The following WNK1 variants were observed in gnomAD, a reference collection of about 807,000 sequenced individuals.
WNK1 encodes the protein WNK lysine deficient protein kinase 1.
WNK1 carries 38 observed loss-of-function variants against 222.8 expected under a neutral mutation model. The ratio of observed to expected loss-of-function variants is 0.17; its 90% CI spans 0.13 to 0.22. The LOEUF (loss-of-function observed/expected upper bound fraction) is 0.22. WNK1 is among the 10% of genes least tolerant of loss of function. The probability of loss-of-function intolerance (pLI) is 1.00; values close to 1 mark genes in which losing one functional copy is unlikely to be tolerated. For synonymous variants in WNK1, 1,090 were observed against 1,092.9 expected, an observed-to-expected ratio of 1.00 and a Z score of 0.05; for missense variants, 2,348 against 2,918.4, an observed-to-expected ratio of 0.80 and a Z score of 4.50.
intron 1 of WNK1, among the ~76,000 whole-genome samples, chr12:791,798 AT>A (rs1944870298): frequency 6.6e-6 from 1 of 152,220 alleles, no homozygotes; most frequent in African/African-American, 2.4e-5. Context: ...CTAATCTTAA[AT>A]TGGGGGATGA....
chr12:897,354 A>C, intron 24 of WNK1, 125 bp from the exon 25 acceptor site: 1 of 738,134 alleles, frequency 1.4e-6, no homozygotes, highest in Non-Finnish European at 2.4e-6. Context: ...GTGGTAGTAC[A>C]TTTGGGGAAA....
rs546930301 is a variant in WNK1, at chr12:810,147, G to C, written c.760-3495G>C. Among the ~76,000 whole-genome samples, 16 of 152,174 alleles carry C rather than the reference G, an allele frequency of 1.1e-4. 2 individuals are homozygous for C. In the South Asian group the frequency reaches 3.3e-3, roughly 32 times the overall value. On this transcript the variant is annotated intron_variant, in intron 1 of 27. Transcript: ENST00000315939. ...CGCCTGTAATCCCAGCTATTCAGGA[G>C]GCTGAGGCAGAATTGCCTGAACCCG...
At chr12:853,738 T>C (rs895560169) in intron 4 of WNK1, among the ~76,000 whole-genome samples, 1 of 152,212 alleles carries the variant, frequency 6.6e-6, no homozygotes, top group African/African-American at 2.4e-5. Context: ...TTGAAATGTA[T>C]GTGCTTATGG....
chr12:795,387 A>T (rs1002653970), intron 1 of WNK1, among the ~76,000 whole-genome samples: 4 of 149,246 alleles, frequency 2.7e-5, no homozygotes, highest in Non-Finnish European at 4.4e-5. Context: ...AATAATCTTC[A>T]TGTGTCAGTG....
intron 26 of WNK1, chr12:901,636 C>T (rs888976951): frequency 2.7e-5 from 35 of 1,288,772 alleles, no homozygotes; most frequent in Admixed American, 6.9e-5. Flanking sequence ...TTTCTGAGTA[C>T]GCCCTGCTTG....
Position 884,979 on chromosome 12 carries a change from T to C in WNK1, c.4175T>C (p.Val1392Ala). ...GIAGVATSTG[V>A]VTSGGLPIPP... ...GCTGGAGTTGCCACCAGCACAGGTG[T>C]GGTAACTTCAGGTGGTCTCCCCATA... Residue 1392 changes from valine to alanine, a missense_variant, in exon 19 of 28, where the codon GTG becomes GCG. Coordinates refer to ENST00000315939, the MANE Select transcript of WNK1 (RefSeq NM_018979.4). The surrounding 1 kb of genome is among the most constrained non-coding windows in gnomAD (Gnocchi z 5.6). 6.2e-7 allele frequency: 1 copy of C among 1,614,184 alleles called. No homozygotes were observed. The highest frequency in any genetic ancestry group is 8.5e-7 in the Non-Finnish European group (1 of 1,180,034).
At chr12:851,551 G>A (rs1950419627) in intron 4 of WNK1, 1 of 1,178,124 alleles carries the variant, frequency 8.5e-7, no homozygotes, top group African/African-American at 1.6e-5. Flanking sequence ...CTGAGAGTTG[G>A]GGAAGCATGG....
intron 1 of WNK1, among the ~76,000 whole-genome samples, chr12:755,154 AGCTGAGTTTGG>A (rs1939810703): frequency 6.6e-6 from 1 of 152,206 alleles, no homozygotes; most frequent in Non-Finnish European, 1.5e-5. Context: ...AGGTTTAAAC[AGCTGAGTTTGG>A]GCTACTTGTT....
chr12:862,923 A>G (rs1951328404), intron 8 of WNK1, among the ~76,000 whole-genome samples: 1 of 152,148 alleles, frequency 6.6e-6, no homozygotes, highest in Non-Finnish European at 1.5e-5. Context: ...ATTTCCTGAA[A>G]CATTTTATGC....
At chr12:886,457 G>A (rs748076673) in intron 19 of WNK1, among the ~76,000 whole-genome samples, 1 of 152,186 alleles carries the variant, frequency 6.6e-6, no homozygotes, top group Non-Finnish European at 1.5e-5. Flanking sequence ...GTTTCAGTGA[G>A]AATGAAGCAA....
chr12:770,462 T>A (rs1302023930), intron 1 of WNK1, among the ~76,000 whole-genome samples: 1 of 152,252 alleles, frequency 6.6e-6, no homozygotes, highest in Non-Finnish European at 1.5e-5. Context: ...TTGTTAAATA[T>A]ATTAATCTGT....
chr12:772,912 G>A (rs998584922), intron 1 of WNK1, among the ~76,000 whole-genome samples: 28 of 152,148 alleles, frequency 1.8e-4, no homozygotes, highest in African/African-American at 6.0e-4. Context: ...GTACTGTGTG[G>A]TTCAGAAATT....
At chr12:902,494 C>G (rs1184860901) in intron 26 of WNK1, among the ~76,000 whole-genome samples, 1 of 152,112 alleles carries the variant, frequency 6.6e-6, no homozygotes, top group Non-Finnish European at 1.5e-5. Context: ...ATCATTCCAC[C>G]ACTACTGTCC....
chr12:844,450 T>G (rs1055412182), intron 4 of WNK1, among the ~76,000 whole-genome samples: 2 of 152,166 alleles, frequency 1.3e-5, no homozygotes, highest in Non-Finnish European at 2.9e-5. Flanking sequence ...TGTTGCTTTT[T>G]AAAAAGGAAA....
chr12:814,211 C>T (rs1947146137), intron 2 of WNK1, among the ~76,000 whole-genome samples: 1 of 151,896 alleles, frequency 6.6e-6, no homozygotes. Flanking sequence ...CACCTGTAAC[C>T]CCAGCTACTT....
chr12:795,721 C>G (rs370598701), intron 1 of WNK1, among the ~76,000 whole-genome samples: 1 of 152,130 alleles, frequency 6.6e-6, no homozygotes, highest in Non-Finnish European at 1.5e-5. Context: ...TCCATTTTAT[C>G]TAGATCATCT....
At chr12:775,320 A>G (rs1013456065) in intron 1 of WNK1, among the ~76,000 whole-genome samples, 4 of 152,214 alleles carry the variant, frequency 2.6e-5, no homozygotes, top group African/African-American at 7.2e-5. Flanking sequence ...TTATCAAGTA[A>G]TAGTCTTTCT....
intron 26 of WNK1, chr12:904,486 A>G: frequency 7.8e-7 from 1 of 1,289,152 alleles, no homozygotes; most frequent in Non-Finnish European, 1.0e-6. Flanking sequence ...CCTTGCAACC[A>G]GCTCTGTAGT....
At chr12:864,007 A>G (rs1298946015) in intron 8 of WNK1, among the ~76,000 whole-genome samples, 4 of 152,166 alleles carry the variant, frequency 2.6e-5, no homozygotes, top group African/African-American at 9.7e-5. Context: ...CATAGTTCAC[A>G]ACATCTAAAA....
Sources: allele counts gnomAD v4.1 joint callset (sites outside exome capture counted in the v4.1 genomes callset), GRCh38; gene constraint gnomAD v4.1.1; non-coding constraint Gnocchi (gnomAD v3.1); transcripts MANE v1.5; gene names NCBI Gene and HGNC (gene_info 2026-07-23, HGNC 2026-07-21).